Variants in WDR41 observed in about 807,000 individuals in gnomAD.
WDR41 encodes WD repeat domain 41.
Under a neutral mutation model 69.3 loss-of-function variants are expected in WDR41, and 63 were observed. The observed-to-expected ratio is 0.91, with a 90% CI of 0.74 to 1.12. WDR41 has a LOEUF of 1.12. Among genes scored for constraint, WDR41 ranks in the 50% most tolerant of loss-of-function variants. The pLI, the probability that WDR41 is intolerant of heterozygous loss-of-function variation, is 0.00. For missense variants in WDR41, 543 were observed against 534.5 expected, an observed-to-expected ratio of 1.02 and a Z score of -0.16; for synonymous variants, 185 against 192.1, an observed-to-expected ratio of 0.96 and a Z score of 0.31.
At chr5:77,541,666 T>C (rs1743090976) in intron 1 of WDR41, among the ~76,000 whole-genome samples, 1 of 152,104 alleles carries the variant, frequency 6.6e-6, no homozygotes, top group Non-Finnish European at 1.5e-5. Context: ...CTAATTTTTG[T>C]ATTTTTAGTA....
chr5:77,517,471 T>G (rs139599799), intron 1 of WDR41, among the ~76,000 whole-genome samples: 1 of 152,148 alleles, frequency 6.6e-6, no homozygotes, highest in Non-Finnish European at 1.5e-5. Flanking sequence ...AGCTAGACCA[T>G]GCTTAGTTCT....
At chr5:77,532,252 T>C (rs1229839744) in intron 1 of WDR41, among the ~76,000 whole-genome samples, 2 of 152,082 alleles carry the variant, frequency 1.3e-5, no homozygotes, top group Non-Finnish European at 2.9e-5. Context: ...TTTTGCTGTA[T>C]GTTTGAAATT....
chr5:77,443,181 A>G (rs75952268), intron 8 of WDR41, among the ~76,000 whole-genome samples: 2,797 of 152,242 alleles, frequency 0.018, 63 homozygotes, highest in African/African-American at 0.055. Context: ...ATCAAATTGA[A>G]TAATAAACGT....
At chr5:77,483,257 C>T (rs1464700040) in intron 2 of WDR41, among the ~76,000 whole-genome samples, 1 of 152,134 alleles carries the variant, frequency 6.6e-6, no homozygotes, top group African/African-American at 2.4e-5. Flanking sequence ...CCCACCTCAG[C>T]CTCCCAAGTA....
upstream of WDR41, among the ~76,000 whole-genome samples, chr5:77,497,251 G>T (rs774971231): frequency 1.1e-4 from 16 of 152,000 alleles, no homozygotes; most frequent in Admixed American, 1.3e-4. Flanking sequence ...AAACCAATTT[G>T]ACTTCATCAA....
Position 77,555,226 on chromosome 5 carries a change from G to A in WDR41, c.42+65253C>T, listed in dbSNP as rs79414342. On this transcript the variant is annotated intron_variant, in intron 1 of 5. Transcript: ENST00000509971. The stretch of plus-strand genomic sequence containing the variant: ...TGCTATTATTTTCAAAAATGTTACC[G>A]TTGGAGGAAACTGGGCAAAGTGTAC... Among the ~76,000 whole-genome samples the A allele has an allele frequency of 1.6e-3, 236 of 152,186 alleles. 3 individuals are homozygous for A. Among genetic ancestry groups the A allele is most frequent in the African/African-American group, 5.4e-3 (223 of 41,486 alleles).
At chr5:77,494,253 T>G (rs572278070), upstream of WDR41, among the ~76,000 whole-genome samples, 24 of 150,492 alleles carry the variant, frequency 1.6e-4, no homozygotes, top group Non-Finnish European at 2.7e-4. Context: ...ATAGAGAAAA[T>G]GAGGTACAAA....
chr5:77,506,887 G>A (rs186921535), intron 1 of WDR41, among the ~76,000 whole-genome samples: 4 of 152,038 alleles, frequency 2.6e-5, no homozygotes, highest in Non-Finnish European at 2.9e-5. Flanking sequence ...GGGCCTGTAG[G>A]GGGTGGGGAG....
At chr5:77,534,589 A>C (rs1426721664) in intron 1 of WDR41, among the ~76,000 whole-genome samples, 1 of 151,928 alleles carries the variant, frequency 6.6e-6, no homozygotes, top group African/African-American at 2.4e-5. Context: ...ATGCACCACC[A>C]CGCCTGGCTA....
At chr5:77,595,412 TG>T (rs1268336547) in intron 1 of WDR41, among the ~76,000 whole-genome samples, 1 of 152,190 alleles carries the variant, frequency 6.6e-6, no homozygotes, top group Admixed American at 6.5e-5. Context: ...CAGCATGATT[TG>T]CTTTTATTAC....
chr5:77,492,399 A>C, upstream of WDR41: 1 of 756,840 alleles, frequency 1.3e-6, no homozygotes, highest in Non-Finnish European at 2.0e-6. Flanking sequence ...TTTGTCCCCA[A>C]AGCGCTCCCG....
chr5:77,564,842 A>C (rs1347653548), intron 1 of WDR41, among the ~76,000 whole-genome samples: 1 of 152,158 alleles, frequency 6.6e-6, no homozygotes, highest in Non-Finnish European at 1.5e-5. Flanking sequence ...CAGTCCCATA[A>C]TGTATTTCAA....
In WDR41 at chr5:77,547,776, A is replaced by T. The variant is rs1269333023; in HGVS notation, c.43-58204T>A. ...CTATTATTCCTCACAGAATTAGAAA[A>T]AATAATTCTAAAATTCATATGGAAC... is the stretch of plus-strand genomic sequence containing the variant. On this transcript the variant is annotated intron_variant, in intron 1 of 5. Coordinates refer to the WDR41 transcript ENST00000509971. Among the ~76,000 whole-genome samples, 5 of 152,156 alleles carry T rather than the reference A, an allele frequency of 3.3e-5. 1 individual carries two copies. Among genetic ancestry groups the T allele is most frequent in the African/African-American group, 1.2e-4 (5 of 41,398 alleles).
chr5:77,618,919 T>C (rs1389505537), intron 1 of WDR41, among the ~76,000 whole-genome samples: 5 of 152,338 alleles, frequency 3.3e-5, no homozygotes, highest in African/African-American at 1.2e-4. Context: ...GTGGGCATCC[T>C]GTCCATAAGC....
chr5:77,618,404 A>T (rs1456843933), intron 1 of WDR41, among the ~76,000 whole-genome samples: 2 of 151,664 alleles, frequency 1.3e-5, no homozygotes, highest in African/African-American at 4.8e-5. Context: ...ATGGAGTCTC[A>T]CTTTGTCACC....
At chr5:77,569,731 AT>A (rs1276726687) in intron 1 of WDR41, among the ~76,000 whole-genome samples, 2 of 152,166 alleles carry the variant, frequency 1.3e-5, no homozygotes, top group African/African-American at 4.8e-5. Context: ...GTCATATAAA[AT>A]TTTACTACAG....
At chr5:77,482,958 A>G (rs1801346518) in intron 2 of WDR41, among the ~76,000 whole-genome samples, 2 of 151,942 alleles carry the variant, frequency 1.3e-5, no homozygotes, top group African/African-American at 2.4e-5. Context: ...CCTTTATCAC[A>G]GATGAGATGG....
chr5:77,456,022 G>C (rs2151311886), intron 5 of WDR41, among the ~76,000 whole-genome samples: 1 of 151,574 alleles, frequency 6.6e-6, no homozygotes, highest in East Asian at 1.9e-4. Context: ...TTTTGATAAA[G>C]ATTGGGTTCA....
At chr5:77,455,880 T>C (rs757773463) in intron 5 of WDR41, among the ~76,000 whole-genome samples, 12 of 152,042 alleles carry the variant, frequency 7.9e-5, no homozygotes, top group Non-Finnish European at 1.8e-4. Flanking sequence ...TTGGGAAGTG[T>C]GTCTTGGAAC....
Sources: gnomAD v4.1 joint callset for allele counts (sites outside exome capture counted in the v4.1 genomes callset) on GRCh38, gnomAD v4.1.1 for gene constraint, MANE v1.5 for transcripts, NCBI Gene and HGNC (gene_info 2026-07-23, HGNC 2026-07-21) for gene names.